Variants in CLSTN2 observed in about 807,000 individuals in gnomAD.
CLSTN2 encodes calsyntenin-2.
A neutral mutation model predicts 101.2 loss-of-function variants in CLSTN2; 48 were observed. That is an observed-to-expected ratio of 0.47 (90% CI 0.38 to 0.60). The LOEUF (loss-of-function observed/expected upper bound fraction) is 0.60. Ranked by LOEUF, CLSTN2 falls within the 20% of genes least tolerant of loss-of-function variation. The probability of loss-of-function intolerance (pLI) is 0.00; values close to 1 mark genes in which losing one functional copy is unlikely to be tolerated. For missense variants in CLSTN2, 1,160 were observed against 1,238.2 expected (o/e 0.94, Z 0.95); for synonymous variants, 481 against 463.6 (o/e 1.04, Z -0.48).
intron 1 of CLSTN2, among the ~76,000 whole-genome samples, chr3:139,939,927 C>CCT: frequency 6.6e-6 from 1 of 152,284 alleles, no homozygotes; most frequent in East Asian, 1.9e-4. Context: ...GTGCCCTTTA[C>CCT]CTCTCTTGGA....
At chr3:140,156,367 C>T (rs1294687738) in intron 1 of CLSTN2, among the ~76,000 whole-genome samples, 2 of 152,192 alleles carry the variant, frequency 1.3e-5, no homozygotes, top group African/African-American at 4.8e-5. Context: ...TTTTATTGCT[C>T]ATGCTGAAAT....
chr3:139,961,342 G>A (rs1244225371), intron 1 of CLSTN2, among the ~76,000 whole-genome samples: 1 of 152,190 alleles, frequency 6.6e-6, no homozygotes, highest in African/African-American at 2.4e-5. Context: ...GCACGTGTTT[G>A]TGTGTCCCCT....
chr3:140,093,131 T>G (rs776205837), intron 1 of CLSTN2, among the ~76,000 whole-genome samples: 15 of 152,174 alleles, frequency 9.9e-5, no homozygotes, highest in Non-Finnish European at 1.9e-4. Flanking sequence ...AGGCCCATTT[T>G]GTTACTGACT....
chr3:140,448,321 T>C (rs1251691863), intron 5 of CLSTN2, among the ~76,000 whole-genome samples, 198 bp from the exon 6 acceptor site: 1 of 152,178 alleles, frequency 6.6e-6, no homozygotes, highest in African/African-American at 2.4e-5. Flanking sequence ...CAGTTTTCTG[T>C]GTTTGCCTAG....
At chr3:140,032,522 A>T (rs574155740) in intron 1 of CLSTN2, among the ~76,000 whole-genome samples, 10 of 152,096 alleles carry the variant, frequency 6.6e-5, no homozygotes, top group Non-Finnish European at 2.9e-5. Flanking sequence ...TTTTTAGTAG[A>T]GATGGGGTTT....
intron 2 of CLSTN2, among the ~76,000 whole-genome samples, chr3:140,274,552 G>A (rs980222596): frequency 2.2e-4 from 34 of 152,162 alleles, no homozygotes; most frequent in Admixed American, 1.9e-3. Flanking sequence ...CTGGATGTCC[G>A]GGGCACTGGG....
At chr3:140,155,441 G>C (rs1210160724) in intron 1 of CLSTN2, among the ~76,000 whole-genome samples, 1 of 152,204 alleles carries the variant, frequency 6.6e-6, no homozygotes, top group Admixed American at 6.5e-5. Flanking sequence ...TGAGGAGCAG[G>C]TCTGGGGAGG....
intron 1 of CLSTN2, among the ~76,000 whole-genome samples, chr3:139,973,476 G>T (rs755729319): frequency 2.0e-5 from 3 of 152,084 alleles, no homozygotes; most frequent in African/African-American, 7.2e-5. Flanking sequence ...CTTGGGGGTT[G>T]GGGGGAAGGA....
intron 5 of CLSTN2, among the ~76,000 whole-genome samples, chr3:140,426,662 G>A (rs1014786626): frequency 6.6e-6 from 1 of 152,172 alleles, no homozygotes; most frequent in Non-Finnish European, 1.5e-5. Context: ...AGAGTAGTTA[G>A]GATGGGAAGG....
intron 12 of CLSTN2, among the ~76,000 whole-genome samples, chr3:140,561,782 C>T (rs778236376): frequency 2.6e-5 from 4 of 152,168 alleles, no homozygotes; most frequent in Non-Finnish European, 4.4e-5. Context: ...GTGCACTGGA[C>T]ACTGTTTTCA....
At chr3:140,367,838 A>T (rs1413202987) in intron 2 of CLSTN2, among the ~76,000 whole-genome samples, 1 of 152,154 alleles carries the variant, frequency 6.6e-6, no homozygotes, top group Non-Finnish European at 1.5e-5. Context: ...CCACATAGGG[A>T]TGTTTGATTA....
chr3:140,447,533 C>A (rs575185938), intron 5 of CLSTN2, among the ~76,000 whole-genome samples: 1 of 152,204 alleles, frequency 6.6e-6, no homozygotes, highest in Non-Finnish European at 1.5e-5. Context: ...CCATTTTAAT[C>A]GTGATTTTGT....
chr3:140,080,941 G>A (rs2008587662), intron 1 of CLSTN2, among the ~76,000 whole-genome samples: 1 of 152,182 alleles, frequency 6.6e-6, no homozygotes, highest in South Asian at 2.1e-4. Context: ...ACTGTGAGAA[G>A]GCTGTGTGTG....
At chr3:140,532,249 T>C (rs1484236844) in intron 8 of CLSTN2, 75 bp from the exon 9 acceptor site, 1 of 1,283,094 alleles carries the variant, frequency 7.8e-7, no homozygotes, top group African/African-American at 1.5e-5. Context: ...TTGTTCTCCT[T>C]TCATAGAGTA....
intron 1 of CLSTN2, among the ~76,000 whole-genome samples, chr3:139,999,969 A>T (rs868806661): frequency 6.9e-6 from 1 of 144,940 alleles, no homozygotes; most frequent in Non-Finnish European, 1.5e-5. Flanking sequence ...AAAAAAAAAA[A>T]TTACATGTAT....
rs936184615 is a variant in CLSTN2, at chr3:140,443,031, G to A, written c.788-5488G>A. 5.3e-5 allele frequency among the ~76,000 whole-genome samples: 8 copies of A among 152,348 alleles called. No homozygotes were observed. In the East Asian group the frequency reaches 9.6e-4, roughly 18 times the overall value. On this transcript the variant is annotated intron_variant, in intron 5 of 16. Coordinates refer to ENST00000458420, the MANE Select transcript of CLSTN2 (RefSeq NM_022131.3). ...AAAAGATGGCAGATAGTGAATGCTT[G>A]CAGATCTGGCTGCAGTGTCAGCTGC... is the stretch of plus-strand genomic sequence containing the variant.
At chr3:140,287,692 G>A (rs1346629507) in intron 2 of CLSTN2, among the ~76,000 whole-genome samples, 1 of 152,122 alleles carries the variant, frequency 6.6e-6, no homozygotes, top group Non-Finnish European at 1.5e-5. Context: ...CTCTAAAACA[G>A]CCTAGTGATG....
chr3:140,143,433 C>T (rs1208716306), intron 1 of CLSTN2, among the ~76,000 whole-genome samples: 1 of 152,266 alleles, frequency 6.6e-6, no homozygotes, highest in South Asian at 2.1e-4. Context: ...CCTTTTTGTT[C>T]TTTTCAGGCT....
At chr3:140,240,257 T>C (rs1169511192) in intron 2 of CLSTN2, among the ~76,000 whole-genome samples, 1 of 92,050 alleles carries the variant, frequency 1.1e-5, no homozygotes, top group Non-Finnish European at 2.2e-5. Context: ...TATATATACA[T>C]ATATACACAT....
Sources: allele counts gnomAD v4.1 joint callset (sites outside exome capture counted in the v4.1 genomes callset), GRCh38; gene constraint gnomAD v4.1.1; transcripts MANE v1.5; gene names NCBI Gene and HGNC (gene_info 2026-07-23, HGNC 2026-07-21).